The following KIAA1958 variants were observed in gnomAD, a reference collection of about 807,000 sequenced individuals.
KIAA1958 encodes uncharacterized protein KIAA1958.
Under a neutral mutation model 47.2 loss-of-function variants are expected in KIAA1958, and 14 were observed. The observed-to-expected ratio is 0.30, with a 90% CI of 0.20 to 0.46. The LOEUF is 0.46. Ranked by LOEUF, KIAA1958 falls within the 20% of genes least tolerant of loss-of-function variation. The pLI is 1.00. For synonymous variants in KIAA1958, 354 were observed against 353.3 expected (o/e 1.00, Z -0.02); for missense variants, 803 against 909.2 (o/e 0.88, Z 1.50).
chr9:112,603,018 A>C (rs1173993677), intron 2 of KIAA1958, among the ~76,000 whole-genome samples: 1 of 152,060 alleles, frequency 6.6e-6, no homozygotes, highest in Admixed American at 6.6e-5. Context: ...TACTTTTTTC[A>C]AGTGCTTTTC....
At chr9:112,604,425 G>A (rs1639859408) in intron 2 of KIAA1958, among the ~76,000 whole-genome samples, 1 of 152,182 alleles carries the variant, frequency 6.6e-6, no homozygotes, top group African/African-American at 2.4e-5. Flanking sequence ...TGGATTTTGT[G>A]GGATGGCTTC....
At chr9:112,535,063 CTAAG>C (rs1834828583) in intron 1 of KIAA1958, among the ~76,000 whole-genome samples, 1 of 152,132 alleles carries the variant, frequency 6.6e-6, no homozygotes, top group Non-Finnish European at 1.5e-5. Context: ...ATAAATTAAA[CTAAG>C]TAACATCTCT....
In KIAA1958 at chr9:112,488,368, C is replaced by A. The variant is rs145076445; in HGVS notation, c.-25+1250C>A. On this transcript the variant is annotated intron_variant, in intron 1 of 3. Coordinates refer to ENST00000337530, the MANE Select transcript of KIAA1958 (RefSeq NM_133465.4). ...ATTTGATTAGCTAGCTAAGTTTCTT[C>A]ATGAACGGTTGCTGTGTATTGTAGA... 4.7e-4 allele frequency among the ~76,000 whole-genome samples: 72 copies of A among 152,290 alleles called. No individual in the cohort carries two copies. The East Asian group carries it at 0.013, about 27-fold the overall frequency.
At chr9:112,502,673 G>A (rs1043106427) in intron 1 of KIAA1958, among the ~76,000 whole-genome samples, 1 of 152,188 alleles carries the variant, frequency 6.6e-6, no homozygotes, top group Admixed American at 6.5e-5. Context: ...ATTCAATGAA[G>A]CAGTCTAAAT....
intron 2 of KIAA1958, among the ~76,000 whole-genome samples, chr9:112,633,284 C>T (rs189484140): frequency 2.0e-5 from 3 of 150,918 alleles, no homozygotes; most frequent in East Asian, 3.9e-4. Flanking sequence ...CTTTCTTAAA[C>T]TTCAGAAACA....
At chr9:112,622,672 T>C in intron 2 of KIAA1958, among the ~76,000 whole-genome samples, 1 of 152,250 alleles carries the variant, frequency 6.6e-6, no homozygotes, top group African/African-American at 2.4e-5. Flanking sequence ...AATCACTGCC[T>C]GTTCTACAAA....
At chr9:112,609,564 T>A (rs1212768587) in intron 2 of KIAA1958, among the ~76,000 whole-genome samples, 1 of 152,128 alleles carries the variant, frequency 6.6e-6, no homozygotes, top group Non-Finnish European at 1.5e-5. Context: ...GTAATTTTTG[T>A]TTTTTGAGAT....
intron 1 of KIAA1958, among the ~76,000 whole-genome samples, chr9:112,561,143 C>T (rs1393695957): frequency 6.6e-6 from 1 of 151,692 alleles, no homozygotes; most frequent in Non-Finnish European, 1.5e-5. Context: ...CAAGCTCCGC[C>T]TCCCAGGTTG....
intron 2 of KIAA1958, among the ~76,000 whole-genome samples, chr9:112,585,548 A>T (rs1442263696): frequency 1.3e-5 from 2 of 152,218 alleles, no homozygotes; most frequent in East Asian, 3.8e-4. Context: ...GACACAGTTC[A>T]TTATCTTAGA....
intron 1 of KIAA1958, among the ~76,000 whole-genome samples, chr9:112,534,433 A>T (rs1465584259): frequency 1.3e-5 from 2 of 152,012 alleles, no homozygotes; most frequent in Non-Finnish European, 2.9e-5. Context: ...AATTAGTAAG[A>T]TTGTGTATTT....
chr9:112,574,552 A>G lies in KIAA1958; in HGVS notation c.472A>G (p.Ser158Gly). The G allele has an allele frequency of 1.2e-6, 2 of 1,614,156 alleles. No individual in the cohort carries two copies. The highest frequency in any genetic ancestry group is 1.3e-5 in the African/African-American group (1 of 75,058). ...VCESSVTDED[S>G]DFEPQTQRPQ... Reference sequence around the variant, plus strand: ...TGAGTCTTCTGTTACAGATGAGGATAGTGACTTTGAACCCCAAACCCAAAG... The same window carrying G: ...TGAGTCTTCTGTTACAGATGAGGATGGTGACTTTGAACCCCAAACCCAAAG... Residue 158 changes from serine (S) to glycine (G), a missense_variant, in exon 2 of 4, where the codon AGT becomes GGT. Ser to Gly is a moderately conservative substitution (Grantham distance 56, BLOSUM62 0). Coordinates refer to ENST00000337530, the MANE Select transcript of KIAA1958 (RefSeq NM_133465.4).
chr9:112,507,438 TC>T (rs1834251019), intron 1 of KIAA1958, among the ~76,000 whole-genome samples: 1 of 152,240 alleles, frequency 6.6e-6, no homozygotes, highest in Non-Finnish European at 1.5e-5. Flanking sequence ...AACCTTGAAC[TC>T]CTGGGCTCAA....
intron 1 of KIAA1958, among the ~76,000 whole-genome samples, chr9:112,537,722 G>C (rs1834879784): frequency 6.6e-6 from 1 of 152,218 alleles, no homozygotes; most frequent in Non-Finnish European, 1.5e-5. Flanking sequence ...TAACCACTTA[G>C]GAAAATTCTT....
intron 1 of KIAA1958, among the ~76,000 whole-genome samples, chr9:112,505,497 A>C (rs1050346365): frequency 6.6e-6 from 1 of 152,244 alleles, no homozygotes; most frequent in Non-Finnish European, 1.5e-5. Context: ...TGAACGCTAG[A>C]TAGCAAAGAA....
At chr9:112,578,531 C>A (rs924427673) in intron 2 of KIAA1958, among the ~76,000 whole-genome samples, 5 of 152,060 alleles carry the variant, frequency 3.3e-5, no homozygotes, top group Non-Finnish European at 5.9e-5. Flanking sequence ...ATTGAGTCAG[C>A]CAGAAACAAA....
At chr9:112,514,859 G>T (rs1397295716) in intron 1 of KIAA1958, among the ~76,000 whole-genome samples, 817 of 29,328 alleles carry the variant, frequency 0.028, no homozygotes, top group Middle Eastern at 0.038. Context: ...AGGTGGGGGG[G>T]GGTCAGCCCC....
At chr9:112,542,664 GTTC>G (rs1834962825) in intron 1 of KIAA1958, among the ~76,000 whole-genome samples, 1 of 152,184 alleles carries the variant, frequency 6.6e-6, no homozygotes, top group Non-Finnish European at 1.5e-5. Flanking sequence ...CTAGTGAATA[GTTC>G]TTGGCAAATT....
chr9:112,640,205 G>GTGGA (rs1166456416), intron 2 of KIAA1958, among the ~76,000 whole-genome samples: 1 of 152,188 alleles, frequency 6.6e-6, no homozygotes, highest in African/African-American at 2.4e-5. Context: ...CGTAAGGTGG[G>GTGGA]TGGATCACTT....
intron 1 of KIAA1958, among the ~76,000 whole-genome samples, chr9:112,567,358 C>T (rs1436665620): frequency 1.3e-5 from 2 of 152,156 alleles, no homozygotes; most frequent in Non-Finnish European, 2.9e-5. Context: ...GGCTCAAGGG[C>T]GTCACCAGGG....
Sources: allele counts gnomAD v4.1 joint callset (sites outside exome capture counted in the v4.1 genomes callset), GRCh38; gene constraint gnomAD v4.1.1; transcripts MANE v1.5; gene names NCBI Gene and HGNC (gene_info 2026-07-23, HGNC 2026-07-21).